The following ANO2 variants were observed in gnomAD, a reference collection of about 807,000 sequenced individuals.
The protein encoded by ANO2 is anoctamin-2.
In ANO2, 101 loss-of-function variants were observed where a neutral mutation model predicts 124.2. The ratio of observed to expected loss-of-function variants is 0.81; its 90% confidence interval spans 0.69 to 0.96. The LOEUF (loss-of-function observed/expected upper bound fraction) is 0.96. Among genes scored for constraint, ANO2 ranks in the 40% least tolerant of loss-of-function variants. ANO2 has a pLI of 0.00. For missense variants in ANO2, 1,293 were observed against 1,274.5 expected (o/e 1.01, Z -0.22); for synonymous variants, 486 against 482.5 (o/e 1.01, Z -0.09).
chr12:5,833,128 C>T (rs1954207991), intron 4 of ANO2, among the ~76,000 whole-genome samples: 1 of 152,184 alleles, frequency 6.6e-6, no homozygotes, highest in Non-Finnish European at 1.5e-5. Flanking sequence ...ATGTGATCAT[C>T]CAGCATCCCG....
At chr12:5,726,762 A>T (rs1439734929) in intron 14 of ANO2, among the ~76,000 whole-genome samples, 1 of 152,222 alleles carries the variant, frequency 6.6e-6, no homozygotes, top group Non-Finnish European at 1.5e-5. Context: ...AAGGTATAAG[A>T]GCTAAGTTAC....
chr12:5,877,860 C>T (rs773772476), intron 3 of ANO2, among the ~76,000 whole-genome samples: 8 of 152,216 alleles, frequency 5.3e-5, no homozygotes, highest in African/African-American at 1.9e-4. Flanking sequence ...CTATGAGAAT[C>T]GAATGCCGCC....
chr12:5,863,065 C>G (rs981243309), intron 3 of ANO2, among the ~76,000 whole-genome samples: 2 of 152,178 alleles, frequency 1.3e-5, no homozygotes, highest in African/African-American at 4.8e-5. Flanking sequence ...TGCCTTTCAC[C>G]TTCCACCGTG....
chr12:5,654,402 G>C (rs1313914000), intron 14 of ANO2, among the ~76,000 whole-genome samples: 1 of 152,174 alleles, frequency 6.6e-6, no homozygotes, highest in African/African-American at 2.4e-5. Flanking sequence ...TAATGCCATA[G>C]TAGTTGATTT....
chr12:5,822,993 G>T (rs1269620285), intron 7 of ANO2, among the ~76,000 whole-genome samples: 1 of 152,196 alleles, frequency 6.6e-6, no homozygotes, highest in African/African-American at 2.4e-5. Flanking sequence ...ACTATCATGA[G>T]AATAGCATGG....
At chr12:5,709,435 A>G (rs1354576782) in intron 14 of ANO2, among the ~76,000 whole-genome samples, 1 of 152,140 alleles carries the variant, frequency 6.6e-6, no homozygotes, top group Non-Finnish European at 1.5e-5. Context: ...CCTTCTCCTC[A>G]GTGTATTTTT....
intron 19 of ANO2, chr12:5,608,646 A>G (rs1944333122): frequency 6.6e-6 from 1 of 152,216 alleles, no homozygotes; most frequent in Non-Finnish European, 1.5e-5. Context: ...TTTATGAGTT[A>G]CTGTGCAATT....
chr12:5,832,697 A>G, intron 4 of ANO2, 94 bp from the exon 5 acceptor site: 1 of 1,352,156 alleles, frequency 7.4e-7, no homozygotes, highest in East Asian at 2.5e-5. Flanking sequence ...ACAGATTCCC[A>G]GAGGTGAACA....
At chr12:5,697,492 A>G (rs937811695) in intron 14 of ANO2, among the ~76,000 whole-genome samples, 1 of 152,236 alleles carries the variant, frequency 6.6e-6, no homozygotes. Context: ...AGATGGCTGA[A>G]TAGGAACAGC....
At chr12:5,931,370 T>C (rs1389113662) in intron 1 of ANO2, among the ~76,000 whole-genome samples, 1 of 152,180 alleles carries the variant, frequency 6.6e-6, no homozygotes, top group Non-Finnish European at 1.5e-5. Flanking sequence ...TCTCTGTTCA[T>C]TCATTGCAGA....
rs1469176110 is a variant in ANO2, at chr12:5,830,469, T to C, written c.806A>G (p.Asp269Gly). ...KMYLYNIQEK[D>G]TFFDNATRSR... is the part of the protein sequence containing the mutation. Reference sequence around the variant, plus strand: ...GCGGGTGGCATTATCAAAGAAGGTGTCCTTTTCCTGGATGTTGTACCTGGA... The same window carrying C: ...GCGGGTGGCATTATCAAAGAAGGTGCCCTTTTCCTGGATGTTGTACCTGGA... Residue 269 changes from aspartate (D) to glycine (G), a missense_variant, in exon 6 of 25, where the codon GAC (aspartate) becomes GGC (glycine). By Grantham distance (94) the Asp-to-Gly change is moderately conservative. Coordinates refer to ENST00000682330, the MANE Select transcript of ANO2 (RefSeq NM_001364791.2). 2 of 1,612,690 alleles carry C rather than the reference T, an allele frequency of 1.2e-6. No individual in the cohort carries two copies. Among genetic ancestry groups the C allele is most frequent in the East Asian group, 2.2e-5 (1 of 44,886 alleles).
intron 10 of ANO2, among the ~76,000 whole-genome samples, chr12:5,758,206 G>T (rs752004683): frequency 6.6e-6 from 1 of 152,146 alleles, no homozygotes; most frequent in African/African-American, 2.4e-5. Context: ...ACTCTCCTAG[G>T]CCCGAGATTC....
At chr12:5,726,253 A>C (rs1210252416) in intron 14 of ANO2, among the ~76,000 whole-genome samples, 1 of 152,170 alleles carries the variant, frequency 6.6e-6, no homozygotes, top group East Asian at 1.9e-4. Context: ...CTGTCTGTTG[A>C]ACTCTAGCAG....
At chr12:5,589,125 G>A (rs1428323641) in intron 20 of ANO2, among the ~76,000 whole-genome samples, 7 of 152,144 alleles carry the variant, frequency 4.6e-5, no homozygotes, top group Admixed American at 1.3e-4. Context: ...CCATGGAGAC[G>A]GCAGAAACTA....
chr12:5,589,611 C>A (rs1160951391), intron 20 of ANO2, among the ~76,000 whole-genome samples: 4 of 152,044 alleles, frequency 2.6e-5, no homozygotes, highest in Non-Finnish European at 4.4e-5. Context: ...CAAGGCCCTG[C>A]AATTTGAAGA....
At chr12:5,921,533 T>A (rs1454805424) in intron 2 of ANO2, among the ~76,000 whole-genome samples, 167 bp from the exon 3 acceptor site, 3 of 152,122 alleles carry the variant, frequency 2.0e-5, no homozygotes, top group Non-Finnish European at 4.4e-5. Flanking sequence ...CCTAAGTTAA[T>A]CTGTCATGCC....
At chr12:5,944,979 C>A (rs568457862) in intron 1 of ANO2, among the ~76,000 whole-genome samples, 279 of 150,292 alleles carry the variant, frequency 1.9e-3, no homozygotes, top group African/African-American at 6.0e-3. Context: ...AAAAAAAAAA[C>A]AAAACAAAAC....
intron 4 of ANO2, among the ~76,000 whole-genome samples, chr12:5,847,896 A>G (rs1954733369): frequency 6.6e-6 from 1 of 152,256 alleles, no homozygotes; most frequent in Non-Finnish European, 1.5e-5. Flanking sequence ...TTATTCTTTA[A>G]TAAATGCAGT....
At chr12:5,582,130 A>T (rs1193526187) in intron 20 of ANO2, among the ~76,000 whole-genome samples, 1 of 152,240 alleles carries the variant, frequency 6.6e-6, no homozygotes, top group East Asian at 1.9e-4. Flanking sequence ...CTCCATTAGA[A>T]TAAGAGCAAC....
Sources: allele counts gnomAD v4.1 joint callset (sites outside exome capture counted in the v4.1 genomes callset), GRCh38; gene constraint gnomAD v4.1.1; transcripts MANE v1.5; gene names NCBI Gene and HGNC (gene_info 2026-07-23, HGNC 2026-07-21).